Variants in TNFRSF1A observed in about 807,000 individuals in gnomAD.
The protein encoded by TNFRSF1A is tumor necrosis factor receptor superfamily member 1A.
In TNFRSF1A, 9 loss-of-function variants were observed where a neutral mutation model predicts 41.6. That is an observed-to-expected ratio of 0.22 (90% CI 0.13 to 0.38). The LOEUF is 0.38. TNFRSF1A is among the 10% of genes least tolerant of loss of function. The pLI is 1.00. For synonymous variants in TNFRSF1A, 254 were observed against 248.6 expected, an observed-to-expected ratio of 1.02 and a Z score of -0.21; for missense variants, 463 against 591.5, an observed-to-expected ratio of 0.78 and a Z score of 2.25.
intron 6 of TNFRSF1A, 69 bp from the exon 7 acceptor site, chr12:6,330,780 G>T: frequency 6.3e-7 from 1 of 1,576,350 alleles, no homozygotes; most frequent in Non-Finnish European, 8.7e-7. Flanking sequence ...TGGATGGGTG[G>T]GATGGATGGA....
Position 6,329,345 on chromosome 12 carries a change from G to T in TNFRSF1A, c.1335C>A (p.Ala445=). The T allele has an allele frequency of 6.8e-7, 1 of 1,479,008 alleles. No homozygotes were observed. Among genetic ancestry groups the T allele is most frequent in the Non-Finnish European group, 8.9e-7 (1 of 1,124,230 alleles). 91.6% of individuals were successfully genotyped at this position (1,479,008 alleles called of 1,614,324 possible). ...GAAGACTGGGCGCGGGCGGGAGGGC[G>T]GCGGGGCCGCAAAGCGCCTCCTCGA... is the stretch of plus-strand genomic sequence containing the variant. ...EDIEEALCGP[A]ALPPAPSLLR is the part of the protein sequence containing the mutation. The change falls in exon 10 of 10, where the codon GCC becomes GCA. Residue 445 remains alanine, a synonymous_variant. Transcript: ENST00000162749.
At position 6,334,836 on chromosome 12, in the gene TNFRSF1A, T is replaced by C. The variant is rs532044393; in HGVS notation, c.40-592A>G. ...TGAAATCCCCCACAGCAGCTAACAG[T>C]GCTGGACACAGGGCAGATGTTGAAA... On this transcript the variant is annotated intron_variant, in intron 1 of 9. Transcript: ENST00000162749. The surrounding 1 kb of genome is among the most constrained non-coding windows in gnomAD (Gnocchi z 5.1). Among the ~76,000 whole-genome samples the C allele has an allele frequency of 1.3e-5, 2 of 152,212 alleles. No homozygotes were observed. Among genetic ancestry groups the C allele is most frequent in the East Asian group, 3.9e-4 (2 of 5,182 alleles).
At chr12:6,331,731 G>A (rs562347230) in intron 5 of TNFRSF1A, 1 of 163,344 alleles carries the variant, frequency 6.1e-6, no homozygotes, top group South Asian at 1.3e-4. Flanking sequence ...AAGCCGGCTG[G>A]GTGCAGTGGC....
chr12:6,332,457 ACC>A (rs1565467420), intron 5 of TNFRSF1A, among the ~76,000 whole-genome samples: 4 of 131,130 alleles, frequency 3.1e-5, no homozygotes, highest in African/African-American at 5.9e-5. Flanking sequence ...AAAAAAAAAC[ACC>A]AAAAGAAAAG....
intron 8 of TNFRSF1A, 79 bp from the exon 9 acceptor site, chr12:6,330,145 G>A: frequency 6.2e-7 from 1 of 1,611,266 alleles, no homozygotes. Flanking sequence ...GTGGGGGTTG[G>A]GACTTAGAGG....
chr12:6,331,141 A>C (rs1182937752), intron 5 of TNFRSF1A: 3 of 603,224 alleles, frequency 5.0e-6, no homozygotes, highest in Non-Finnish European at 9.0e-6. Context: ...GGCTGTGTAG[A>C]AAATGTGAAA....
chr12:6,335,368 C>T (rs73049955), intron 1 of TNFRSF1A, among the ~76,000 whole-genome samples: 9 of 152,242 alleles, frequency 5.9e-5, no homozygotes, highest in Non-Finnish European at 7.4e-5. Flanking sequence ...CCAAGGCTAG[C>T]GACCCAGCTT....
Position 6,341,917 on chromosome 12 carries a change from GT to G in TNFRSF1A, c.-104del. On this transcript the variant is annotated 5_prime_UTR_variant, in exon 1 of 10. It removes the in-frame stop codon of an upstream open reading frame in the 5' UTR. Coordinates refer to ENST00000162749, the MANE Select transcript of TNFRSF1A (RefSeq NM_001065.4). The surrounding 1 kb of genome is among the most constrained non-coding windows in gnomAD (Gnocchi z 4.6). Reference sequence around the variant, plus strand: ...ACTCGGTCTGTCCAGGACGTCCCAAGTGCCTTGGGGTGACAGTTGAGGGTTG... The same window carrying G: ...ACTCGGTCTGTCCAGGACGTCCCAAGGCCTTGGGGTGACAGTTGAGGGTTG... The G allele has an allele frequency of 4.0e-6, 5 of 1,255,938 alleles. No individual in the cohort carries two copies. The highest frequency in any genetic ancestry group is 5.8e-6 in the Non-Finnish European group (5 of 862,242). 77.8% of individuals were successfully genotyped at this position (1,255,938 alleles called of 1,614,324 possible).
At chr12:6,339,595 C>T (rs1260212590) in intron 1 of TNFRSF1A, among the ~76,000 whole-genome samples, 1 of 152,204 alleles carries the variant, frequency 6.6e-6, no homozygotes, top group Non-Finnish European at 1.5e-5. Flanking sequence ...AGGCAGTGGA[C>T]TAAGGCTCAC....
rs201259040 is a variant in TNFRSF1A at position 6,333,535 on chromosome 12, G to A, written c.323-19C>T. ...CCCATTTCTGGTGAGGGGAGAAGAT[G>A]GGGTATGAGTCCTGCATCCTCCTGT... is the stretch of plus-strand genomic sequence containing the variant. On this transcript the variant is annotated intron_variant, in intron 3 of 9. Coordinates refer to ENST00000162749, the MANE Select transcript of TNFRSF1A (RefSeq NM_001065.4). The surrounding 1 kb of genome is among the most constrained non-coding windows in gnomAD (Gnocchi z 6.3). 1.9e-6 allele frequency: 3 copies of A among 1,614,060 alleles called. No individual in the cohort carries two copies. The highest frequency in any genetic ancestry group is 2.5e-6 in the Non-Finnish European group (3 of 1,179,994).
At position 6,334,645 on chromosome 12, in the gene TNFRSF1A, GAACC is replaced by G. The variant is rs1948096770; in HGVS notation, c.40-405_40-402del. Among the ~76,000 whole-genome samples the G allele has an allele frequency of 1.3e-5, 2 of 152,032 alleles. No individual in the cohort carries two copies. Among genetic ancestry groups the G allele is most frequent in the Non-Finnish European group, 2.9e-5 (2 of 68,026 alleles). ...CCTGAATAGCTGGGACTACGGCCGTGAACCACCATGCCCAGCTAATTTTTTTTTA... is the reference window on the plus strand; with the variant it reads ...CCTGAATAGCTGGGACTACGGCCGTGACCATGCCCAGCTAATTTTTTTTTA... On this transcript the variant is annotated intron_variant, in intron 1 of 9. Coordinates refer to ENST00000162749, the MANE Select transcript of TNFRSF1A (RefSeq NM_001065.4). The surrounding 1 kb of genome is among the most constrained non-coding windows in gnomAD (Gnocchi z 5.1).
chr12:6,330,499 G>A, intron 7 of TNFRSF1A, 99 bp downstream of exon 7: 1 of 1,061,698 alleles, frequency 9.4e-7, no homozygotes, highest in Non-Finnish European at 1.4e-6. Context: ...TATGAACTGA[G>A]GGGACACTCC....
intron 1 of TNFRSF1A, among the ~76,000 whole-genome samples, chr12:6,339,522 C>T (rs770967882): frequency 5.9e-5 from 9 of 152,140 alleles, no homozygotes; most frequent in African/African-American, 1.4e-4. Context: ...ACTGAAGCAG[C>T]GTGGGGAAGC....
intron 1 of TNFRSF1A, among the ~76,000 whole-genome samples, chr12:6,335,585 T>C (rs1948110093): frequency 6.6e-6 from 1 of 152,170 alleles, no homozygotes; most frequent in Admixed American, 6.5e-5. Context: ...GCCAGCTTCA[T>C]TTCTGGTTTT....
chr12:6,328,920 TAACATGATTGATTTAAA>T lies in TNFRSF1A; in HGVS notation c.*375_*391del, dbSNP rs1395864952. The T allele has an allele frequency of 9.7e-6, 2 of 205,370 alleles. No homozygotes were observed. Among genetic ancestry groups the T allele is most frequent in the Non-Finnish European group, 1.9e-5 (2 of 103,536 alleles). 12.7% of individuals were successfully genotyped at this position (205,370 alleles called of 1,614,324 possible). The stretch of plus-strand genomic sequence containing the variant: ...CAGGAGTGCCAAGTTTCTATTAGTG[TAACATGATTGATTTAAA>T]AACAAAACAAAACAAAACAAAAACA... On this transcript the variant is annotated 3_prime_UTR_variant, in exon 10 of 10. Coordinates refer to ENST00000162749, the MANE Select transcript of TNFRSF1A (RefSeq NM_001065.4).
At position 6,341,725 on chromosome 12, in the gene TNFRSF1A, CG is replaced by C; in HGVS notation, c.39+50del. 6.2e-7 allele frequency: 1 copy of C among 1,609,610 alleles called. No individual in the cohort carries two copies. The highest frequency in any genetic ancestry group is 8.5e-7 in the Non-Finnish European group (1 of 1,177,258). On this transcript the variant is annotated intron_variant, in intron 1 of 9. Coordinates refer to ENST00000162749, the MANE Select transcript of TNFRSF1A (RefSeq NM_001065.4). This position sits in a 1 kb window ranked among gnomAD's most constrained non-coding sequence, Gnocchi z 4.6. ...CCTCCCGGAGAGGGCCCACGCCAGC[CG>C]GAAGGTGCCTCGCCCACCAGCCCAC...
Position 6,329,061 on chromosome 12 carries a change from A to G in TNFRSF1A, c.*251T>C. On this transcript the variant is annotated 3_prime_UTR_variant, in exon 10 of 10. Transcript: ENST00000162749. The stretch of plus-strand genomic sequence containing the variant: ...GACACCCAAAACGGGCATGAGGCAT[A>G]GCGTCCCTCATCCTCGCAAACCACC... The G allele has an allele frequency of 2.5e-6, 1 of 407,418 alleles. No homozygotes were observed. The highest frequency in any genetic ancestry group is 4.3e-6 in the Non-Finnish European group (1 of 233,112). The allele number at this position is 407,418 out of a possible 1,614,324, so 25.2% of individuals were successfully genotyped here.
At position 6,341,696 on chromosome 12, in the gene TNFRSF1A, GC is replaced by G; in HGVS notation, c.39+79del. 1 of 1,538,694 alleles carries G rather than the reference GC, an allele frequency of 6.5e-7. No individual in the cohort carries two copies. The highest frequency in any genetic ancestry group is 8.9e-7 in the Non-Finnish European group (1 of 1,124,732). On this transcript the variant is annotated intron_variant, in intron 1 of 9. Coordinates refer to ENST00000162749, the MANE Select transcript of TNFRSF1A (RefSeq NM_001065.4). This position sits in a 1 kb window ranked among gnomAD's most constrained non-coding sequence, Gnocchi z 4.6. The stretch of plus-strand genomic sequence containing the variant: ...ACCAGGCCCGGGCAGGAGAGGCTCG[GC>G]CCCCTCCCGGAGAGGGCCCACGCCA...
chr12:6,330,439 G>T, intron 7 of TNFRSF1A, 144 bp from the exon 8 acceptor site: 2 of 1,026,912 alleles, frequency 1.9e-6, no homozygotes, highest in South Asian at 1.3e-5. Flanking sequence ...GATGCAGCTC[G>T]ACATCTCCCC....
Sources: gnomAD v4.1 joint callset for allele counts (sites outside exome capture counted in the v4.1 genomes callset) on GRCh38, gnomAD v4.1.1 for gene constraint, Gnocchi (gnomAD v3.1) non-coding constraint, MANE v1.5 for transcripts, NCBI Gene and HGNC (gene_info 2026-07-23, HGNC 2026-07-21) for gene names.